The following ST3GAL1 variants were observed in gnomAD, a reference collection of about 807,000 sequenced individuals.
ST3GAL1 encodes ST3 beta-galactoside alpha-2,3-sialyltransferase 1.
ST3GAL1 carries 16 observed loss-of-function variants against 34.1 expected under a neutral mutation model. That is an observed-to-expected ratio of 0.47 (90% CI 0.32 to 0.71). The LOEUF is 0.71. Ranked by LOEUF, ST3GAL1 falls within the 30% of genes least tolerant of loss-of-function variation. The pLI is 0.04. For synonymous variants in ST3GAL1, 191 were observed against 184.7 expected, an observed-to-expected ratio of 1.03 and a Z score of -0.28; for missense variants, 353 against 447.4, an observed-to-expected ratio of 0.79 and a Z score of 1.90.
chr8:133,481,547 G>A (rs1816391535), intron 3 of ST3GAL1, among the ~76,000 whole-genome samples: 1 of 152,178 alleles, frequency 6.6e-6, no homozygotes, highest in Non-Finnish European at 1.5e-5. Flanking sequence ...CCAGGCTGGA[G>A]TGCAGTGGCC....
chr8:133,530,780 GT>G (rs1818130512), intron 2 of ST3GAL1, among the ~76,000 whole-genome samples: 1 of 152,188 alleles, frequency 6.6e-6, no homozygotes, highest in Non-Finnish European at 1.5e-5. Flanking sequence ...GCAGCCTGGG[GT>G]TTCTGGGGAC....
chr8:133,508,843 C>T lies in ST3GAL1; in HGVS notation c.-428-9654G>A, dbSNP rs1817423973. Among the ~76,000 whole-genome samples the T allele has an allele frequency of 6.6e-6, 1 of 152,176 alleles. No homozygotes were observed. The highest frequency in any genetic ancestry group is 1.5e-5 in the Non-Finnish European group (1 of 68,016). On this transcript the variant is annotated intron_variant, in intron 2 of 9. Transcript: ENST00000522652. The surrounding 1 kb of genome is among the most constrained non-coding windows in gnomAD (Gnocchi z 4.1). ...AAAACAGTGCAGATAATGGTAAATG[C>T]TTTTGCACAAAACCCCATAAGACTT...
At chr8:133,514,403 C>G (rs1817586225) in intron 2 of ST3GAL1, among the ~76,000 whole-genome samples, 1 of 152,148 alleles carries the variant, frequency 6.6e-6, no homozygotes, top group African/African-American at 2.4e-5. Flanking sequence ...ATATCTCCAG[C>G]AAGGAGCCTG....
intron 3 of ST3GAL1, among the ~76,000 whole-genome samples, chr8:133,492,062 C>G (rs1415698760): frequency 6.6e-6 from 1 of 152,160 alleles, no homozygotes; most frequent in Non-Finnish European, 1.5e-5. Flanking sequence ...ATGCTCAGAG[C>G]AGCTGAGGCC....
chr8:133,470,125 GAAC>G (rs968154167), intron 5 of ST3GAL1, among the ~76,000 whole-genome samples: 49 of 152,232 alleles, frequency 3.2e-4, no homozygotes, highest in Non-Finnish European at 5.3e-4. Context: ...GGCAATAAAA[GAAC>G]AACAGTGCTG....
In ST3GAL1 at chr8:133,467,550, G is replaced by C. The variant is rs1246938765; in HGVS notation, c.307-1460C>G. 6.6e-6 allele frequency among the ~76,000 whole-genome samples: 1 copy of C among 152,180 alleles called. No individual in the cohort carries two copies. Among genetic ancestry groups the C allele is most frequent in the Non-Finnish European group, 1.5e-5 (1 of 68,030 alleles). ...CAGGCTTCTAGAAACCCACCAGCAG[G>C]TTTCTCCCACCACACAACCCTAACT... On this transcript the variant is annotated intron_variant, in intron 5 of 9. Coordinates refer to ENST00000522652, the MANE Select transcript of ST3GAL1 (RefSeq NM_173344.3). The surrounding 1 kb of genome is among the most constrained non-coding windows in gnomAD (Gnocchi z 4.2).
rs1227551341 is a variant in ST3GAL1 at position 133,504,854 on chromosome 8, G to A, written c.-428-5665C>T. The stretch of plus-strand genomic sequence containing the variant: ...TTGGAGGGTAAAGTTTTGAAAAGGA[G>A]TGAGGAGGACAAACATTCCAGATTT... On this transcript the variant is annotated intron_variant, in intron 2 of 9. Coordinates refer to ENST00000522652, the MANE Select transcript of ST3GAL1 (RefSeq NM_173344.3). 2.6e-5 allele frequency among the ~76,000 whole-genome samples: 4 copies of A among 152,160 alleles called. No individual in the cohort carries two copies. The East Asian group carries it at 7.7e-4, about 29-fold the overall frequency.
rs188995617 is a variant in ST3GAL1 at position 133,554,790 on chromosome 8, G to A, written c.-581-8864C>T. Among the ~76,000 whole-genome samples the A allele has an allele frequency of 2.4e-4, 36 of 149,222 alleles. No homozygotes were observed. In the East Asian group the frequency reaches 6.5e-3, roughly 27 times the overall value. On this transcript the variant is annotated intron_variant, in intron 1 of 9. Coordinates refer to ENST00000522652, the MANE Select transcript of ST3GAL1 (RefSeq NM_173344.3). ...TCGCCAGGGTGGAGTGCAGTGGCGCGATCTCGGCTCACTGCAACCTCCGCC... is the reference window on the plus strand; with the variant it reads ...TCGCCAGGGTGGAGTGCAGTGGCGCAATCTCGGCTCACTGCAACCTCCGCC...
Position 133,464,951 on chromosome 8 carries a change from G to A in ST3GAL1, c.510C>T (p.Asn170=). ...CTTCAAACCCTGCCGTGGGCGCCTT[G>A]TTCATCCTGGGAGAGAAGGGGAGAA... ...IDSHDFVLRM[N]KAPTAGFEAD... Residue 170 remains asparagine (N), a synonymous_variant, in exon 7 of 10, where the codon AAC becomes AAT. Coordinates refer to ENST00000522652, the MANE Select transcript of ST3GAL1 (RefSeq NM_173344.3). 1 of 1,612,852 alleles carries A rather than the reference G, an allele frequency of 6.2e-7. No individual in the cohort carries two copies. Among genetic ancestry groups the A allele is most frequent in the Non-Finnish European group, 8.5e-7 (1 of 1,179,246 alleles).
At chr8:133,496,757 A>C (rs1450805189) in intron 3 of ST3GAL1, among the ~76,000 whole-genome samples, 3 of 152,150 alleles carry the variant, frequency 2.0e-5, no homozygotes, top group Non-Finnish European at 4.4e-5. Flanking sequence ...TCTCGGCCAT[A>C]ATGGGCTCAA....
intron 2 of ST3GAL1, among the ~76,000 whole-genome samples, chr8:133,515,035 C>T (rs887716066): frequency 1.3e-5 from 2 of 152,202 alleles, no homozygotes; most frequent in Non-Finnish European, 2.9e-5. Flanking sequence ...CTGCCCCTCC[C>T]TTCCTGATGA....
At chr8:133,516,237 A>G (rs1817644032) in intron 2 of ST3GAL1, 1 of 152,106 alleles carries the variant, frequency 6.6e-6, no homozygotes, top group Non-Finnish European at 1.5e-5. Flanking sequence ...ATTTATTATG[A>G]GCACTCTCCC....
intron 2 of ST3GAL1, among the ~76,000 whole-genome samples, chr8:133,537,309 T>C (rs1050135652): frequency 2.9e-4 from 24 of 82,104 alleles, no homozygotes; most frequent in Admixed American, 1.6e-3. Flanking sequence ...CTTCTGGGGT[T>C]TTATGGAAGC....
intron 2 of ST3GAL1, among the ~76,000 whole-genome samples, chr8:133,503,291 G>T (rs950462406): frequency 1.3e-5 from 2 of 152,188 alleles, no homozygotes; most frequent in Non-Finnish European, 1.5e-5. Flanking sequence ...CAGGAGAGCC[G>T]ACTTCCACTC....
chr8:133,497,372 A>G (rs1410669008), intron 3 of ST3GAL1, among the ~76,000 whole-genome samples: 1 of 152,018 alleles, frequency 6.6e-6, no homozygotes, highest in African/African-American at 2.4e-5. Flanking sequence ...AAACACAGAA[A>G]TTGTGCAAAG....
In ST3GAL1 at chr8:133,456,300, G is replaced by A. The variant is rs1434291963; in HGVS notation, c.*3464C>T. ...CTGACTCACTGGGGAGACCCAGGGG[G>A]TTGGGATGTTGCTGACACCTCATGG... On this transcript the variant is annotated 3_prime_UTR_variant, in exon 10 of 10. Coordinates refer to ENST00000522652, the MANE Select transcript of ST3GAL1 (RefSeq NM_173344.3). The A allele has an allele frequency of 1.3e-5, 2 of 151,422 alleles. No homozygotes were observed. The highest frequency in any genetic ancestry group is 2.9e-5 in the Non-Finnish European group (2 of 67,886). 9.4% of individuals were successfully genotyped at this position (151,422 alleles called of 1,614,324 possible).
At chr8:133,564,902 C>T (rs892566442) in intron 1 of ST3GAL1, among the ~76,000 whole-genome samples, 1 of 152,250 alleles carries the variant, frequency 6.6e-6, no homozygotes. Context: ...TTAAACTATT[C>T]TGCTTCTCAT....
chr8:133,510,960 C>T (rs751725951), intron 2 of ST3GAL1, among the ~76,000 whole-genome samples: 6 of 152,190 alleles, frequency 3.9e-5, no homozygotes, highest in Admixed American at 6.5e-5. Context: ...GTATGATTCA[C>T]GCAAATAACC....
rs2130927986 is a variant in ST3GAL1 at position 133,467,843 on chromosome 8, GCTC to G, written c.307-1756_307-1754del. Among the ~76,000 whole-genome samples, 1 of 152,262 alleles carries G rather than the reference GCTC, an allele frequency of 6.6e-6. No individual in the cohort carries two copies. The highest frequency in any genetic ancestry group is 6.5e-5 in the Admixed American group (1 of 15,288). On this transcript the variant is annotated intron_variant, in intron 5 of 9. Coordinates refer to ENST00000522652, the MANE Select transcript of ST3GAL1 (RefSeq NM_173344.3). This position sits in a 1 kb window ranked among gnomAD's most constrained non-coding sequence, Gnocchi z 4.2. The stretch of plus-strand genomic sequence containing the variant: ...GGAGGCACACAAGCAGAACCAGATT[GCTC>G]TTCCAGTTAAACCCAGGCAGCCTCT...
Sources: gnomAD v4.1 joint callset for allele counts (sites outside exome capture counted in the v4.1 genomes callset) on GRCh38, gnomAD v4.1.1 for gene constraint, Gnocchi (gnomAD v3.1) non-coding constraint, MANE v1.5 for transcripts, NCBI Gene and HGNC (gene_info 2026-07-23, HGNC 2026-07-21) for gene names.